The following XKR4 variants were observed in gnomAD, a reference collection of about 807,000 sequenced individuals.
XKR4 encodes the protein XK-related protein 4.
XKR4 carries 12 observed loss-of-function variants against 53.9 expected under a neutral mutation model. That is an observed-to-expected ratio of 0.22 (90% CI 0.14 to 0.36). The LOEUF is 0.36. XKR4 is among the 10% of genes least tolerant of loss of function. The pLI is 1.00. For missense variants in XKR4, 799 were observed against 859.5 expected, an observed-to-expected ratio of 0.93 and a Z score of 0.88; for synonymous variants, 354 against 362.4, an observed-to-expected ratio of 0.98 and a Z score of 0.26.
At chr8:55,481,798 CTCA>C (rs1056961941) in intron 2 of XKR4, among the ~76,000 whole-genome samples, 11 of 152,084 alleles carry the variant, frequency 7.2e-5, no homozygotes, top group Non-Finnish European at 4.4e-5. Context: ...TGAAAAAATG[CTCA>C]TCATCACTGG....
At position 55,531,211 on chromosome 8, in the gene XKR4, G is replaced by A. The variant is rs926318469; in HGVS notation, c.*6984G>A. The stretch of plus-strand genomic sequence containing the variant: ...GGAGTGTGCTTACACAAGCTTAGAT[G>A]GTAGAGCCTACCATGCTCCTAGGCT... On this transcript the variant is annotated 3_prime_UTR_variant, in exon 3 of 3. Transcript: ENST00000327381. The A allele has an allele frequency of 6.6e-6, 1 of 152,110 alleles. No individual in the cohort carries two copies. Among genetic ancestry groups the A allele is most frequent in the Non-Finnish European group, 1.5e-5 (1 of 68,030 alleles). 9.4% of individuals were successfully genotyped at this position (152,110 alleles called of 1,614,324 possible). A position where few individuals can be genotyped will look rare whatever the true frequency, so the allele number is the denominator to read the frequency against.
At chr8:55,172,210 C>CAA (rs35747779) in intron 1 of XKR4, among the ~76,000 whole-genome samples, 11 of 137,376 alleles carry the variant, frequency 8.0e-5, no homozygotes, top group African/African-American at 2.6e-4. Context: ...GACTCTCTCT[C>CAA]AAAAAAAAAA....
At chr8:55,321,459 G>A (rs1023680267) in intron 1 of XKR4, among the ~76,000 whole-genome samples, 3 of 152,058 alleles carry the variant, frequency 2.0e-5, no homozygotes, top group East Asian at 3.9e-4. Flanking sequence ...CTGTTCTCAC[G>A]GAGGGTGTTA....
chr8:55,373,318 C>T (rs1028979829), intron 2 of XKR4, among the ~76,000 whole-genome samples: 1 of 152,132 alleles, frequency 6.6e-6, no homozygotes, highest in African/African-American at 2.4e-5. Context: ...AGGCATGCAC[C>T]ACCACACCCA....
chr8:55,213,664 G>C (rs913512602), intron 1 of XKR4, among the ~76,000 whole-genome samples: 1 of 152,172 alleles, frequency 6.6e-6, no homozygotes, highest in Admixed American at 6.5e-5. Flanking sequence ...AAAATTAAAC[G>C]ATAAACTAAG....
intron 2 of XKR4, among the ~76,000 whole-genome samples, chr8:55,463,117 A>G (rs192407434): frequency 5.3e-4 from 81 of 152,302 alleles, no homozygotes; most frequent in African/African-American, 1.9e-3. Flanking sequence ...GCTCTACACC[A>G]AGCAGACCTA....
At chr8:55,318,474 C>T (rs1284146460) in intron 1 of XKR4, among the ~76,000 whole-genome samples, 2 of 152,176 alleles carry the variant, frequency 1.3e-5, no homozygotes, top group Non-Finnish European at 2.9e-5. Flanking sequence ...CTTCTCTGTT[C>T]TCATTAGCAG....
intron 2 of XKR4, among the ~76,000 whole-genome samples, chr8:55,426,096 G>T (rs1805009584): frequency 6.6e-6 from 1 of 152,172 alleles, no homozygotes; most frequent in African/African-American, 2.4e-5. Context: ...TATCTCTGGG[G>T]TGATATAAAC....
At chr8:55,200,149 CCT>C (rs1226940151) in intron 1 of XKR4, among the ~76,000 whole-genome samples, 4 of 152,168 alleles carry the variant, frequency 2.6e-5, no homozygotes, top group Non-Finnish European at 5.9e-5. Flanking sequence ...ACAGCTGCAA[CCT>C]CTGCCTCCTG....
chr8:55,121,308 G>A (rs951069245), intron 1 of XKR4, among the ~76,000 whole-genome samples: 2 of 152,156 alleles, frequency 1.3e-5, no homozygotes, highest in African/African-American at 4.8e-5. Flanking sequence ...CTTCCAGAGT[G>A]GCTGTACCGT....
chr8:55,202,741 C>G (rs1305559910), intron 1 of XKR4, among the ~76,000 whole-genome samples: 1 of 152,182 alleles, frequency 6.6e-6, no homozygotes, highest in African/African-American at 2.4e-5. Context: ...AAAGGCCAGG[C>G]AGACTAAAAT....
intron 1 of XKR4, among the ~76,000 whole-genome samples, chr8:55,208,811 G>A (rs1052402406): frequency 4.6e-5 from 7 of 152,066 alleles, no homozygotes; most frequent in Non-Finnish European, 1.0e-4. Flanking sequence ...CTACCGTGTG[G>A]ACCCCCGCAG....
intron 1 of XKR4, among the ~76,000 whole-genome samples, chr8:55,351,156 G>A (rs908453263): frequency 6.6e-5 from 10 of 152,018 alleles, no homozygotes; most frequent in African/African-American, 2.4e-4. Context: ...AATTAGGACG[G>A]TAAATTTTAT....
At chr8:55,417,242 G>C (rs769278331) in intron 2 of XKR4, among the ~76,000 whole-genome samples, 1 of 152,236 alleles carries the variant, frequency 6.6e-6, no homozygotes, top group East Asian at 1.9e-4. Context: ...CAAGCGGGCA[G>C]TTTAGGAATG....
intron 1 of XKR4, among the ~76,000 whole-genome samples, chr8:55,347,807 A>G (rs1259245989): frequency 2.0e-5 from 3 of 152,162 alleles, no homozygotes; most frequent in African/African-American, 2.4e-5. Context: ...TCTGCCTTTA[A>G]TGATACTCTG....
chr8:55,254,676 C>T (rs916066696), intron 1 of XKR4, among the ~76,000 whole-genome samples: 3 of 152,112 alleles, frequency 2.0e-5, no homozygotes, highest in Admixed American at 6.6e-5. Context: ...GAACGATATG[C>T]CAAACTGTTC....
chr8:55,358,261 T>A (rs1803850696), intron 2 of XKR4, among the ~76,000 whole-genome samples: 1 of 152,156 alleles, frequency 6.6e-6, no homozygotes, highest in Non-Finnish European at 1.5e-5. Flanking sequence ...TGTATGCATG[T>A]ATGTGTGTGT....
At position 55,450,082 on chromosome 8, in the gene XKR4, T is replaced by C. The variant is rs1805411849; in HGVS notation, c.1007-73199T>C. The C allele has an allele frequency of 6.9e-6, 5 of 724,156 alleles. No homozygotes were observed. In the Admixed American group the frequency reaches 9.1e-5, roughly 13 times the overall value. 44.9% of individuals were successfully genotyped at this position (724,156 alleles called of 1,614,324 possible). A position where few individuals can be genotyped will look rare whatever the true frequency, so the allele number is the denominator to read the frequency against. Reference sequence around the variant, plus strand: ...CCGGGCTTCAAGGCGCCATGCAGCCTTCACGCGGTCCCAGGTGTCCTTCCA... The same window carrying C: ...CCGGGCTTCAAGGCGCCATGCAGCCCTCACGCGGTCCCAGGTGTCCTTCCA... On this transcript the variant is annotated intron_variant, in intron 2 of 2. Transcript: ENST00000327381.
chr8:55,187,305 CAA>C (rs1168014848), intron 1 of XKR4, among the ~76,000 whole-genome samples: 10 of 95,842 alleles, frequency 1.0e-4, no homozygotes, highest in East Asian at 3.1e-4. Flanking sequence ...TTTCCAGGAC[CAA>C]AAAAAAAAAA....
Sources: gnomAD v4.1 joint callset for allele counts (sites outside exome capture counted in the v4.1 genomes callset) on GRCh38, gnomAD v4.1.1 for gene constraint, MANE v1.5 for transcripts, NCBI Gene and HGNC (gene_info 2026-07-23, HGNC 2026-07-21) for gene names.